NR2F1-AS1: variants seen among roughly 807,000 people sequenced by gnomAD.
NR2F1-AS1 encodes the protein NR2F1 antisense RNA 1.
At chr5:93,539,486 A>G (rs946467840) in intron 4 of NR2F1-AS1, among the ~76,000 whole-genome samples, 4 of 152,194 alleles carry the variant, frequency 2.6e-5, no homozygotes, top group African/African-American at 9.7e-5. Context: ...CATCAAGTTA[A>G]GTGAAATAAG....
intron 2 of NR2F1-AS1, among the ~76,000 whole-genome samples, chr5:93,560,965 C>T (rs1752473139): frequency 6.6e-6 from 1 of 152,196 alleles, no homozygotes; most frequent in Non-Finnish European, 1.5e-5. Context: ...TTTTTGTTAA[C>T]CTCTTTATCT....
chr5:93,464,311 T>C (rs946874062), intron 4 of NR2F1-AS1, among the ~76,000 whole-genome samples: 1 of 152,220 alleles, frequency 6.6e-6, no homozygotes, highest in African/African-American at 2.4e-5. Context: ...TGATTAACTG[T>C]GAGTCCATTA....
upstream of NR2F1-AS1, among the ~76,000 whole-genome samples, chr5:93,581,729 TCTCTCC>T (rs1554074090): frequency 2.5e-4 from 9 of 35,540 alleles, no homozygotes; most frequent in African/African-American, 1.3e-3. Flanking sequence ...TCTCTCTCTC[TCTCTCC>T]CCCTCTCCCT....
At chr5:93,453,990 A>G (rs1351936101) in intron 4 of NR2F1-AS1, among the ~76,000 whole-genome samples, 1 of 152,228 alleles carries the variant, frequency 6.6e-6, no homozygotes, top group Non-Finnish European at 1.5e-5. Flanking sequence ...TTTAAAAGAT[A>G]AAGGTACTGG....
intron 2 of NR2F1-AS1, among the ~76,000 whole-genome samples, chr5:93,562,251 T>C (rs1462172221): frequency 6.7e-6 from 1 of 148,178 alleles, no homozygotes; most frequent in Non-Finnish European, 1.5e-5. Flanking sequence ...GCAAATGCCA[T>C]ATTCTATTTA....
At chr5:93,442,507 T>C (rs956933385) in intron 4 of NR2F1-AS1, among the ~76,000 whole-genome samples, 1 of 152,152 alleles carries the variant, frequency 6.6e-6, no homozygotes, top group Non-Finnish European at 1.5e-5. Context: ...GCACCCGACA[T>C]TGCTGAGGCT....
intron 4 of NR2F1-AS1, chr5:93,544,936 AAAAG>A (rs1752044215): frequency 6.6e-6 from 1 of 151,966 alleles, no homozygotes; most frequent in African/African-American, 2.4e-5. Context: ...AAAAAAAAAA[AAAAG>A]AGTTATTCTG....
chr5:93,571,332 C>T (rs1580344454), intron 1 of NR2F1-AS1: 1 of 151,624 alleles, frequency 6.6e-6, no homozygotes, highest in East Asian at 1.9e-4. Flanking sequence ...CAGACCACGA[C>T]CTTGGAGCTC....
At chr5:93,445,039 A>C (rs971544646) in intron 4 of NR2F1-AS1, among the ~76,000 whole-genome samples, 11 of 152,024 alleles carry the variant, frequency 7.2e-5, no homozygotes, top group Non-Finnish European at 1.6e-4. Context: ...TCTCTGGGAC[A>C]CTTTTAAAGC....
intron 2 of NR2F1-AS1, among the ~76,000 whole-genome samples, chr5:93,560,034 C>A (rs1752451307): frequency 1.3e-5 from 2 of 152,104 alleles, no homozygotes; most frequent in South Asian, 4.1e-4. Context: ...AAATGAACCA[C>A]AATAAAACAA....
At chr5:93,528,230 G>C (rs183178291) in intron 4 of NR2F1-AS1, among the ~76,000 whole-genome samples, 34 of 152,274 alleles carry the variant, frequency 2.2e-4, no homozygotes, top group African/African-American at 7.9e-4. Context: ...CATTTATGCA[G>C]CCAACCAACC....
At chr5:93,517,560 A>C (rs969375650) in intron 4 of NR2F1-AS1, among the ~76,000 whole-genome samples, 3 of 152,014 alleles carry the variant, frequency 2.0e-5, no homozygotes, top group Non-Finnish European at 2.9e-5. Context: ...ACATTGTATT[A>C]GATATTTCAG....
At chr5:93,548,758 C>A (rs2149910767) in intron 4 of NR2F1-AS1, among the ~76,000 whole-genome samples, 1 of 152,108 alleles carries the variant, frequency 6.6e-6, no homozygotes, top group South Asian at 2.1e-4. Flanking sequence ...GTAATCCCAG[C>A]TACTTGGGAG....
At chr5:93,423,735 C>G (rs767115615) in intron 4 of NR2F1-AS1, among the ~76,000 whole-genome samples, 1 of 152,122 alleles carries the variant, frequency 6.6e-6, no homozygotes. Context: ...AAACATTTAC[C>G]GTGCTCCTAT....
At chr5:93,439,381 C>T (rs1157337297) in intron 4 of NR2F1-AS1, among the ~76,000 whole-genome samples, 7 of 152,220 alleles carry the variant, frequency 4.6e-5, no homozygotes, top group South Asian at 2.1e-4. Context: ...GCAGGCTCCG[C>T]CCCCCGGGGT....
chr5:93,563,884 C>G (rs562738856), intron 1 of NR2F1-AS1, among the ~76,000 whole-genome samples: 2 of 151,846 alleles, frequency 1.3e-5, no homozygotes, highest in Non-Finnish European at 2.9e-5. Flanking sequence ...GGGCGGATCA[C>G]GAGGTCAGGA....
intron 4 of NR2F1-AS1, chr5:93,541,909 T>G (rs992434686): frequency 4.6e-5 from 7 of 151,800 alleles, no homozygotes; most frequent in African/African-American, 1.5e-4. Context: ...TTTTAAACAA[T>G]CAAAATTAAT....
At chr5:93,446,727 A>C (rs917537169) in intron 4 of NR2F1-AS1, among the ~76,000 whole-genome samples, 1 of 152,226 alleles carries the variant, frequency 6.6e-6, no homozygotes, top group Non-Finnish European at 1.5e-5. Flanking sequence ...GGAACCAAAA[A>C]AGAGCCCACA....
chr5:93,527,610 C>T (rs1751645664), intron 4 of NR2F1-AS1, among the ~76,000 whole-genome samples: 1 of 152,128 alleles, frequency 6.6e-6, no homozygotes. Context: ...TACAAGGCTA[C>T]AGTAACCAAA....
Sources: gnomAD v4.1 joint callset for allele counts (sites outside exome capture counted in the v4.1 genomes callset) on GRCh38, gnomAD v4.1.1 for gene constraint, MANE v1.5 for transcripts, NCBI Gene and HGNC (gene_info 2026-07-23, HGNC 2026-07-21) for gene names.